The following AGFG1 variants were observed in gnomAD, a reference collection of about 807,000 sequenced individuals.
The protein encoded by AGFG1 is arf-GAP domain and FG repeat-containing protein 1.
In AGFG1, 10 loss-of-function variants were observed where a neutral mutation model predicts 60.6. The ratio of observed to expected loss-of-function variants is 0.16; its 90% confidence interval spans 0.10 to 0.28. The LOEUF (loss-of-function observed/expected upper bound fraction) is 0.28, where lower values mean the gene tolerates loss of function less well. Ranked by LOEUF, AGFG1 falls within the 10% of genes least tolerant of loss-of-function variation. The pLI is 1.00. For missense variants in AGFG1, 537 were observed against 676.5 expected, an observed-to-expected ratio of 0.79 and a Z score of 2.29; for synonymous variants, 247 against 242.9, an observed-to-expected ratio of 1.02 and a Z score of -0.16.
At chr2:227,481,842 A>G (rs1175711880) in intron 1 of AGFG1, among the ~76,000 whole-genome samples, 1 of 148,646 alleles carries the variant, frequency 6.7e-6, no homozygotes, top group Non-Finnish European at 1.5e-5. Context: ...GCATGTGAAG[A>G]GATTTAGATT....
chr2:227,543,024 G>C (rs1171294890), intron 10 of AGFG1, among the ~76,000 whole-genome samples: 1 of 151,850 alleles, frequency 6.6e-6, no homozygotes, highest in Non-Finnish European at 1.5e-5. Flanking sequence ...ATTTTTTATT[G>C]CATCTATTTG....
At chr2:227,541,849 G>A (rs1194742884) in intron 10 of AGFG1, among the ~76,000 whole-genome samples, 1 of 152,050 alleles carries the variant, frequency 6.6e-6, no homozygotes, top group Non-Finnish European at 1.5e-5. Context: ...TCTTCCATTT[G>A]TTTGTGTCCT....
At chr2:227,511,062 C>A (rs374759755) in intron 2 of AGFG1, among the ~76,000 whole-genome samples, 1 of 152,008 alleles carries the variant, frequency 6.6e-6, no homozygotes, top group African/African-American at 2.4e-5. Flanking sequence ...GGTACTTTTT[C>A]TCCTATATTA....
At chr2:227,512,647 G>T (rs1559180753) in intron 2 of AGFG1, among the ~76,000 whole-genome samples, 1 of 152,116 alleles carries the variant, frequency 6.6e-6, no homozygotes, top group Non-Finnish European at 1.5e-5. Flanking sequence ...TGTTTAGAGA[G>T]CTTCTAATGG....
At chr2:227,532,997 C>T (rs1419755922) in intron 6 of AGFG1, among the ~76,000 whole-genome samples, 2 of 152,148 alleles carry the variant, frequency 1.3e-5, no homozygotes, top group Non-Finnish European at 2.9e-5. Context: ...ATTGTATACA[C>T]ATTAAACTAT....
chr2:227,491,450 G>A, intron 1 of AGFG1, 97 bp from the exon 2 acceptor site: 1 of 722,230 alleles, frequency 1.4e-6, no homozygotes, highest in African/African-American at 1.9e-5. Context: ...ACTGTTTCAA[G>A]TTTGTGTGTT....
chr2:227,499,697 C>T (rs78260314), intron 2 of AGFG1, among the ~76,000 whole-genome samples: 7,095 of 151,718 alleles, frequency 0.047, 219 homozygotes, highest in African/African-American at 0.092. Context: ...CACAGTGACA[C>T]CTACAAAGAT....
In AGFG1 at chr2:227,523,943, C is replaced by T. The variant is rs565915999; in HGVS notation, c.540+18C>T. 1.3e-5 allele frequency: 20 copies of T among 1,592,522 alleles called. No homozygotes were observed. The East Asian group carries it at 4.0e-4, about 32-fold the overall frequency. On this transcript the variant is annotated intron_variant, in intron 4 of 12. Transcript: ENST00000310078. The stretch of plus-strand genomic sequence containing the variant: ...CTAGTCAGGTGAGTAGTCTTTGAAT[C>T]TTTGTAGGGAATTCGACTTAAAGAG...
At chr2:227,508,610 C>G (rs1466160796) in intron 2 of AGFG1, 1 of 470,308 alleles carries the variant, frequency 2.1e-6, no homozygotes, top group Non-Finnish European at 4.4e-6. Flanking sequence ...TTCATAATAT[C>G]TTTGGGAGTG....
intron 1 of AGFG1, among the ~76,000 whole-genome samples, chr2:227,479,056 G>T (rs1196389039): frequency 6.6e-6 from 1 of 152,188 alleles, no homozygotes; most frequent in Non-Finnish European, 1.5e-5. Context: ...ACTCTCTCCT[G>T]AGAGAGGAGC....
In AGFG1 at chr2:227,533,599, C is replaced by T. The variant is rs895129162; in HGVS notation, c.865C>T (p.Pro289Ser). 1.2e-6 allele frequency: 2 copies of T among 1,613,780 alleles called. No individual in the cohort carries two copies. Among genetic ancestry groups the T allele is most frequent in the Non-Finnish European group, 1.7e-6 (2 of 1,179,802 alleles). Residue 289 changes from proline to serine, a missense_variant, in exon 7 of 13, where the codon CCC (proline) becomes TCC (serine). Pro to Ser is a moderately conservative substitution (Grantham distance 74, BLOSUM62 -1). Coordinates refer to ENST00000310078, the MANE Select transcript of AGFG1 (RefSeq NM_004504.5). ...NANFAHFDNF[P>S]KSSSADFGTF... ...TAATTTTGCTCATTTTGATAACTTC[C>T]CCAAATCCTCCAGTGCTGATTTTGG...
Position 227,560,389 on chromosome 2 carries a change from G to A in AGFG1, c.*5894G>A, listed in dbSNP as rs1693101392. ...ACCAGCTGTGTAGGTATGATCTTGT[G>A]CTTCCATTTAAGAAATTCTTCCATT... On this transcript the variant is annotated 3_prime_UTR_variant, in exon 13 of 13. Transcript: ENST00000310078. 1 of 151,322 alleles carries A rather than the reference G, an allele frequency of 6.6e-6. No individual in the cohort carries two copies. The highest frequency in any genetic ancestry group is 2.4e-5 in the African/African-American group (1 of 41,202). 9.4% of individuals were successfully genotyped at this position (151,322 alleles called of 1,614,324 possible).
intron 5 of AGFG1, among the ~76,000 whole-genome samples, chr2:227,525,925 T>C (rs919726389): frequency 6.6e-6 from 1 of 152,224 alleles, no homozygotes; most frequent in South Asian, 2.1e-4. Flanking sequence ...CCTTCACTTA[T>C]TAGCTGAAAT....
In AGFG1 at chr2:227,506,558, T is replaced by TAA. The variant is rs5839223; in HGVS notation, c.262-13370_262-13369dup. Reference sequence around the variant, plus strand: ...ATGACTGCTTTCAAGTGATGTTCCTTAAAAAAAAAAAAAAAAAAAAAGCAC... The same window carrying TAA: ...ATGACTGCTTTCAAGTGATGTTCCTTAAAAAAAAAAAAAAAAAAAAAAAGCAC... On this transcript the variant is annotated intron_variant, in intron 2 of 12. Coordinates refer to ENST00000310078, the MANE Select transcript of AGFG1 (RefSeq NM_004504.5). Among the ~76,000 whole-genome samples, 929 of 106,282 alleles carry TAA rather than the reference T, an allele frequency of 8.7e-3. 24 individuals carry two copies. The highest frequency in any genetic ancestry group is 0.023 in the African/African-American group (616 of 27,348). The allele number at this position is 106,282 out of a possible 152,430, so 69.7% of individuals were successfully genotyped here. A position where few individuals can be genotyped will look rare whatever the true frequency, so the allele number is the denominator to read the frequency against.
intron 10 of AGFG1, among the ~76,000 whole-genome samples, chr2:227,545,579 T>G (rs1692622454): frequency 6.6e-6 from 1 of 152,258 alleles, no homozygotes; most frequent in African/African-American, 2.4e-5. Context: ...CTGCTCTGGT[T>G]TCTCCCCATC....
chr2:227,525,028 G>T, intron 5 of AGFG1, 113 bp downstream of exon 5: 2 of 1,258,550 alleles, frequency 1.6e-6, no homozygotes, highest in Non-Finnish European at 2.2e-6. Context: ...AAAATGTTTT[G>T]TCACTTGTAA....
At chr2:227,524,986 A>G in intron 5 of AGFG1, 71 bp downstream of exon 5, 2 of 1,554,562 alleles carry the variant, frequency 1.3e-6, no homozygotes, top group Non-Finnish European at 8.8e-7. Context: ...ATTCTTTATC[A>G]CACTTTGAGG....
At chr2:227,503,502 C>T (rs1691219813) in intron 2 of AGFG1, among the ~76,000 whole-genome samples, 2 of 152,160 alleles carry the variant, frequency 1.3e-5, no homozygotes, top group Admixed American at 1.3e-4. Context: ...ATATGGTCTA[C>T]CTGATTGAGC....
intron 5 of AGFG1, 140 bp downstream of exon 5, chr2:227,525,055 T>C (rs1691950876): frequency 3.2e-6 from 3 of 939,862 alleles, no homozygotes; most frequent in Non-Finnish European, 1.6e-6. Context: ...AGCTGTAATA[T>C]GTAACCATAT....
Sources: gnomAD v4.1 joint callset for allele counts (sites outside exome capture counted in the v4.1 genomes callset) on GRCh38, gnomAD v4.1.1 for gene constraint, MANE v1.5 for transcripts, NCBI Gene and HGNC (gene_info 2026-07-23, HGNC 2026-07-21) for gene names.